SPIRE2: variants seen among roughly 807,000 people sequenced by gnomAD.
SPIRE2 encodes the protein protein spire homolog 2.
A neutral mutation model predicts 80.7 loss-of-function variants in SPIRE2; 76 were observed. That is an observed-to-expected ratio of 0.94 (90% CI 0.78 to 1.14). The LOEUF (loss-of-function observed/expected upper bound fraction) is 1.14. SPIRE2 is among the 50% of genes most tolerant of loss of function. The pLI, the probability that SPIRE2 is intolerant of heterozygous loss-of-function variation, is 0.00. For synonymous variants in SPIRE2, 535 were observed against 432.6 expected, an observed-to-expected ratio of 1.24 and a Z score of -2.94; for missense variants, 1,196 against 1,015.3, an observed-to-expected ratio of 1.18 and a Z score of -2.42.
intron 1 of SPIRE2, among the ~76,000 whole-genome samples, chr16:89,829,434 C>G (rs868796897): frequency 6.6e-6 from 1 of 152,186 alleles, no homozygotes; most frequent in African/African-American, 2.4e-5. Context: ...CGAAAAAAAC[C>G]GAAAGTGATT....
At chr16:89,842,208 A>ATTTTTTTTTTTTTTTTTTTTTTTTTT (rs71137682) in intron 1 of SPIRE2, among the ~76,000 whole-genome samples, 2 of 81,312 alleles carry the variant, frequency 2.5e-5, no homozygotes, top group South Asian at 4.7e-4. Context: ...TGAACACGTA[A>ATTTTTTTTTTTTTTTTTTTTTTTTTT]TTTTTTTTTT....
intron 12 of SPIRE2, 116 bp from the exon 13 acceptor site, chr16:89,868,073 A>G (rs1351958453): frequency 1.8e-5 from 20 of 1,115,230 alleles, no homozygotes; most frequent in South Asian, 2.5e-5. Flanking sequence ...ACCAAGCATC[A>G]GGCAGAAGGC....
chr16:89,833,775 C>T (rs1002897036), intron 1 of SPIRE2, among the ~76,000 whole-genome samples: 26 of 152,300 alleles, frequency 1.7e-4, no homozygotes, highest in Non-Finnish European at 2.6e-4. Flanking sequence ...GTCCAGGCTG[C>T]GAATCCCGAC....
Position 89,859,258 on chromosome 16 carries a change from G to C in SPIRE2, c.1366G>C (p.Gly456Arg), listed in dbSNP as rs748394611. The C allele has an allele frequency of 1.6e-5, 26 of 1,608,068 alleles. No homozygotes were observed. In the South Asian group the frequency reaches 2.8e-4, roughly 17 times the overall value. The change falls in exon 9 of 15, where the codon GGC (glycine) becomes CGC (arginine). Residue 456 changes from glycine to arginine, a missense_variant. Physicochemically the swap from Gly to Arg is moderately radical, Grantham distance 125. Transcript: ENST00000378247. ...LAQLRSEVAS[G>R]LQSATHPPGG... ...CCAGCTCCGAAGTGAGGTGGCCTCT[G>C]GCCTGCAGTCGGCCACCCACCCCCC...
In SPIRE2 at chr16:89,863,490, C is replaced by G. The variant is rs769873311; in HGVS notation, c.1590C>G (p.Pro530=). 1 of 1,613,902 alleles carries G rather than the reference C, an allele frequency of 6.2e-7. No homozygotes were observed. The highest frequency in any genetic ancestry group is 1.7e-5 in the Admixed American group (1 of 59,996). ...CCGTCCCCTAGGAGTTCAGCCACCC[C>G]GTGGAGAGCCTGGCGCTGACTGTGG... The part of the protein sequence containing the change: ...AKHLWLEFSH[P]VESLALTVEE... Residue 530 remains proline (P), a synonymous_variant, in exon 11 of 15, where the codon CCC becomes CCG. Coordinates refer to ENST00000378247, the MANE Select transcript of SPIRE2 (RefSeq NM_032451.2). The surrounding 1 kb of genome is among the most constrained non-coding windows in gnomAD (Gnocchi z 4.3).
chr16:89,838,649 G>C (rs1312858453), intron 1 of SPIRE2, among the ~76,000 whole-genome samples: 1 of 152,190 alleles, frequency 6.6e-6, no homozygotes, highest in South Asian at 2.1e-4. Flanking sequence ...TGACTTGGGT[G>C]CTGCGGGCTT....
At chr16:89,869,441 G>C in intron 13 of SPIRE2, 126 bp from the exon 14 acceptor site, 2 of 662,480 alleles carry the variant, frequency 3.0e-6, no homozygotes, top group Non-Finnish European at 5.5e-6. Context: ...CAGGGACAGA[G>C]AATATTCTCC....
In SPIRE2 at chr16:89,860,663, G is replaced by C; in HGVS notation, c.1463-20G>C. On this transcript the variant is annotated intron_variant, in intron 9 of 14. Coordinates refer to ENST00000378247, the MANE Select transcript of SPIRE2 (RefSeq NM_032451.2). ...CAGCTCCTGCCAGGCAGTCCTGATG[G>C]AGCCTCTGCTCTCCCCCAGGTACCT... is the stretch of plus-strand genomic sequence containing the variant. 1.3e-6 allele frequency: 2 copies of C among 1,520,148 alleles called. No homozygotes were observed. The highest frequency in any genetic ancestry group is 2.4e-5 in the South Asian group (2 of 84,468). 94.2% of individuals were successfully genotyped at this position (1,520,148 alleles called of 1,614,324 possible).
intron 1 of SPIRE2, 65 bp from the exon 2 acceptor site, chr16:89,845,257 G>T (rs375089269): frequency 1.5e-5 from 21 of 1,434,158 alleles, no homozygotes; most frequent in African/African-American, 2.8e-5. Context: ...GAGGTGGGGG[G>T]ACAGCAGTGT....
rs766276996 is a variant in SPIRE2, at chr16:89,850,291, C to G, written c.289-13C>G. ...CTGCAGTACCGCCCAGTGACCGCGC[C>G]CCTGTCCCGCAGACCGTGCAGTCCC... On this transcript the variant is annotated splice_polypyrimidine_tract_variant and intron_variant, in intron 2 of 14. Coordinates refer to ENST00000378247, the MANE Select transcript of SPIRE2 (RefSeq NM_032451.2). 1 of 1,599,918 alleles carries G rather than the reference C, an allele frequency of 6.3e-7. No individual in the cohort carries two copies. The highest frequency in any genetic ancestry group is 8.5e-7 in the Non-Finnish European group (1 of 1,176,884).
chr16:89,856,483 C>T (rs2041692971), intron 7 of SPIRE2, among the ~76,000 whole-genome samples: 1 of 151,918 alleles, frequency 6.6e-6, no homozygotes, highest in Non-Finnish European at 1.5e-5. Flanking sequence ...CTTGCTCTGT[C>T]GCCCAGGATG....
chr16:89,829,893 C>T (rs780914622), intron 1 of SPIRE2, among the ~76,000 whole-genome samples: 5 of 151,394 alleles, frequency 3.3e-5, no homozygotes, highest in Admixed American at 2.6e-4. Flanking sequence ...TGCCCACTGC[C>T]GCCCAGAGGG....
rs867721552 is a variant in SPIRE2, at chr16:89,868,974, G to T, written c.1807-593G>T. ...TGAGCCCAGCAAATTCAAGGCTGCA[G>T]TGAGTATGGCTGTGCCTCTGTACTC... On this transcript the variant is annotated intron_variant, in intron 13 of 14. Coordinates refer to ENST00000378247, the MANE Select transcript of SPIRE2 (RefSeq NM_032451.2). Among the ~76,000 whole-genome samples the T allele has an allele frequency of 6.3e-5, 9 of 143,480 alleles. No homozygotes were observed. In the South Asian group the frequency reaches 6.8e-4, roughly 11 times the overall value. 94.1% of individuals were successfully genotyped at this position (143,480 alleles called of 152,430 possible).
Position 89,854,289 on chromosome 16 carries a change from C to T in SPIRE2, c.649C>T (p.Leu217=), listed in dbSNP as rs1041632709. ...LARVREAKEM[L]QKLREDEPHL... is the part of the protein sequence containing the mutation. ...TGACGAGCACGTGTGGTCACAGATG[C>T]TGCAGAAGCTTCGGGAGGACGAGCC... Residue 217 remains leucine, a synonymous_variant, in exon 4 of 15, where the codon CTG becomes TTG. Transcript: ENST00000378247. The T allele has an allele frequency of 1.9e-6, 3 of 1,611,920 alleles. No individual in the cohort carries two copies. The highest frequency in any genetic ancestry group is 1.7e-6 in the Non-Finnish European group (2 of 1,179,590).
rs557283133 is a variant in SPIRE2 at position 89,856,125 on chromosome 16, C to T, written c.991C>T (p.Arg331Trp). 2.5e-6 allele frequency: 4 copies of T among 1,611,668 alleles called. No homozygotes were observed. The highest frequency in any genetic ancestry group is 1.7e-5 in the Admixed American group (1 of 59,976). ...RPPLKQVSERRLRPLPPKQRS... is the reference protein window; with the variant it reads ...RPPLKQVSERWLRPLPPKQRS... ...TTCCCCACCGCAGGTCTCTGAGAGG[C>T]GGCTGCGCCCGTTGCCACCAAAGCA... The change falls in exon 7 of 15, where the codon CGG becomes TGG. Residue 331 changes from arginine to tryptophan, a missense_variant. Arg to Trp is a moderately radical substitution (Grantham distance 101). Coordinates refer to ENST00000378247, the MANE Select transcript of SPIRE2 (RefSeq NM_032451.2).
chr16:89,850,319 G>T lies in SPIRE2; in HGVS notation c.304G>T (p.Gly102Cys), dbSNP rs1349903788. 1 of 1,603,246 alleles carries T rather than the reference G, an allele frequency of 6.2e-7. No homozygotes were observed. ...TGTCCCGCAGACCGTGCAGTCCCTC[G>T]GCTTCGCCATCTACCGCGCGCTGGA... Reference protein sequence around the residue: ...SSEAQTVQSLGFAIYRALDWG... With the variant: ...SSEAQTVQSLCFAIYRALDWG... Residue 102 changes from glycine (G) to cysteine (C), a missense_variant, in exon 3 of 15, where the codon GGC becomes TGC. Gly to Cys is a radical substitution (Grantham distance 159, BLOSUM62 -3). Transcript: ENST00000378247.
chr16:89,864,330 G>T (rs1352848099), intron 12 of SPIRE2, among the ~76,000 whole-genome samples: 1 of 151,816 alleles, frequency 6.6e-6, no homozygotes, highest in East Asian at 1.9e-4. Flanking sequence ...AGAGGGCTGC[G>T]CCGAGAAAGC....
At chr16:89,853,209 C>G (rs2041653612) in intron 3 of SPIRE2, among the ~76,000 whole-genome samples, 1 of 152,192 alleles carries the variant, frequency 6.6e-6, no homozygotes, top group African/African-American at 2.4e-5. Context: ...TACTCTGTTG[C>G]CCAGGCTGGT....
intron 1 of SPIRE2, among the ~76,000 whole-genome samples, chr16:89,831,232 A>C (rs1423500270): frequency 1.3e-5 from 2 of 150,328 alleles, no homozygotes; most frequent in East Asian, 3.9e-4. Flanking sequence ...AATACATCTC[A>C]GACGTGGTGC....
Sources: allele counts gnomAD v4.1 joint callset (sites outside exome capture counted in the v4.1 genomes callset), GRCh38; gene constraint gnomAD v4.1.1; non-coding constraint Gnocchi (gnomAD v3.1); transcripts MANE v1.5; gene names NCBI Gene and HGNC (gene_info 2026-07-23, HGNC 2026-07-21).